XPA: variants seen among roughly 807,000 people sequenced by gnomAD.
XPA encodes the protein DNA repair protein complementing XP-A cells.
In XPA, 27 loss-of-function variants were observed where a neutral mutation model predicts 35.7. The ratio of observed to expected loss-of-function variants is 0.76; its 90% CI spans 0.56 to 1.04. XPA has a LOEUF of 1.04. Ranked by LOEUF, XPA falls within the 50% of genes least tolerant of loss-of-function variation. The pLI is 0.00. For missense variants in XPA, 354 were observed against 342.7 expected, an observed-to-expected ratio of 1.03 and a Z score of -0.26; for synonymous variants, 133 against 118.4, an observed-to-expected ratio of 1.12 and a Z score of -0.80.
chr9:97,680,727 A>G (rs1045789817), intron 5 of XPA, among the ~76,000 whole-genome samples: 5 of 152,234 alleles, frequency 3.3e-5, no homozygotes, highest in African/African-American at 1.2e-4. Context: ...AGGAAAGCAG[A>G]AATCAACTAC....
At chr9:97,684,833 T>C (rs1054284760) in intron 5 of XPA, 90 bp downstream of exon 5, 8 of 1,116,766 alleles carry the variant, frequency 7.2e-6, no homozygotes, top group East Asian at 2.4e-5. Flanking sequence ...TTCCAATCTA[T>C]TGGTGACATT....
chr9:97,661,127 A>G, the XPA span: 2 of 1,592,198 alleles, frequency 1.3e-6, no homozygotes, highest in East Asian at 4.5e-5. Context: ...TAAAGCATAA[A>G]CATAACTCTG....
the XPA span, among the ~76,000 whole-genome samples, chr9:97,659,344 A>G: frequency 1.8e-4 from 27 of 152,156 alleles, no homozygotes; most frequent in African/African-American, 6.5e-4. Context: ...CAGCCCCTCC[A>G]TGATCCTTCC....
At chr9:97,664,534 C>T in the XPA span, 1 of 839,076 alleles carries the variant, frequency 1.2e-6, no homozygotes, top group Non-Finnish European at 1.9e-6. Context: ...TGGTCCAAAC[C>T]AGGTTGATAT....
intron 5 of XPA, 133 bp downstream of exon 5, chr9:97,684,790 G>A (rs144905740): frequency 1.2e-6 from 1 of 822,654 alleles, no homozygotes; most frequent in South Asian, 1.4e-5. Flanking sequence ...AGGGCAAACT[G>A]TAAGTCATTT....
intron 5 of XPA, among the ~76,000 whole-genome samples, chr9:97,683,928 GAATT>G (rs1420535932): frequency 1.6e-4 from 25 of 152,136 alleles, no homozygotes; most frequent in Non-Finnish European, 1.3e-4. Flanking sequence ...CACTTTCAAT[GAATT>G]AATTTAGTAT....
chr9:97,689,132 C>T (rs1828807202), intron 3 of XPA, among the ~76,000 whole-genome samples: 1 of 152,086 alleles, frequency 6.6e-6, no homozygotes, highest in Non-Finnish European at 1.5e-5. Context: ...AGCTACTGTC[C>T]TTTCACTGAA....
At chr9:97,693,886 C>T in intron 1 of XPA, 127 bp from the exon 2 acceptor site, 1 of 880,168 alleles carries the variant, frequency 1.1e-6, no homozygotes, top group Non-Finnish European at 1.8e-6. Flanking sequence ...ACAATCACTA[C>T]TTCTATTCAA....
At chr9:97,658,759 A>T in the XPA span, 4 of 1,533,158 alleles carry the variant, frequency 2.6e-6, no homozygotes, top group Non-Finnish European at 3.6e-6. Context: ...TAATGAAACT[A>T]ATCCCTCTGT....
At chr9:97,686,975 T>C (rs779811181) in intron 4 of XPA, 121 bp downstream of exon 4, 18 of 921,400 alleles carry the variant, frequency 2.0e-5, no homozygotes, top group Non-Finnish European at 3.0e-5. Context: ...CTGTGAAGCA[T>C]ATGCAAAACT....
At chr9:97,664,533 C>A in the XPA span, 2 of 847,696 alleles carry the variant, frequency 2.4e-6, no homozygotes, top group Non-Finnish European at 3.7e-6. Flanking sequence ...CTGGTCCAAA[C>A]CAGGTTGATA....
intron 5 of XPA, chr9:97,675,856 G>A: frequency 2.0e-6 from 1 of 510,848 alleles, no homozygotes; most frequent in Non-Finnish European, 3.5e-6. Context: ...TTGGTGGTAT[G>A]CAAAACAGAA....
chr9:97,675,607 G>A lies in XPA; in HGVS notation c.674-20C>T. Reference sequence around the variant, plus strand: ...GCAATTCTGAAAAAAAAATTTTAAAGTCATCTTTTCAGTGGTGCTATTCAG... The same window carrying A: ...GCAATTCTGAAAAAAAAATTTTAAAATCATCTTTTCAGTGGTGCTATTCAG... On this transcript the variant is annotated intron_variant, in intron 5 of 5. Transcript: ENST00000375128. 1 of 1,613,782 alleles carries A rather than the reference G, an allele frequency of 6.2e-7. No homozygotes were observed. The highest frequency in any genetic ancestry group is 8.5e-7 in the Non-Finnish European group (1 of 1,179,852).
downstream of XPA, chr9:97,673,322 T>G (rs891048767): frequency 6.6e-6 from 1 of 152,144 alleles, no homozygotes; most frequent in African/African-American, 2.4e-5. Context: ...TTAAAATGAC[T>G]CCTGTCTCAA....
chr9:97,657,638 A>G, the XPA span, among the ~76,000 whole-genome samples: 4 of 152,020 alleles, frequency 2.6e-5, no homozygotes, highest in East Asian at 7.7e-4. Context: ...TCAGATCTCC[A>G]TCCTGCTTTT....
At chr9:97,683,978 T>A (rs1828626922) in intron 5 of XPA, among the ~76,000 whole-genome samples, 1 of 152,220 alleles carries the variant, frequency 6.6e-6, no homozygotes, top group Non-Finnish European at 1.5e-5. Context: ...AAGTATGTGT[T>A]ATCTCTACAC....
At chr9:97,656,113 A>G in the XPA span, 16 of 1,553,300 alleles carry the variant, frequency 1.0e-5, no homozygotes, top group African/African-American at 2.2e-4. Flanking sequence ...TCTCCTTTTA[A>G]CTTCTTTGGG....
downstream of XPA, chr9:97,669,968 G>A (rs1587730550): frequency 4.1e-6 from 2 of 487,218 alleles, no homozygotes; most frequent in East Asian, 8.4e-5. Flanking sequence ...TGTTGCCCAG[G>A]CTGGAGTTCA....
At chr9:97,668,896 G>C in the XPA span, 2 of 1,613,498 alleles carry the variant, frequency 1.2e-6, no homozygotes, top group African/African-American at 2.7e-5. Flanking sequence ...GGGTTCTTGA[G>C]GAACAAATAG....
Sources: gnomAD v4.1 joint callset for allele counts (sites outside exome capture counted in the v4.1 genomes callset) on GRCh38, gnomAD v4.1.1 for gene constraint, MANE v1.5 for transcripts, NCBI Gene and HGNC (gene_info 2026-07-23, HGNC 2026-07-21) for gene names.